The following MAPRE2 variants were observed in gnomAD, a reference collection of about 807,000 sequenced individuals.
The protein encoded by MAPRE2 is microtubule associated protein RP/EB family member 2.
Under a neutral mutation model 43.2 loss-of-function variants are expected in MAPRE2, and 13 were observed. The observed-to-expected ratio is 0.30, with a 90% CI of 0.20 to 0.48. The LOEUF (loss-of-function observed/expected upper bound fraction) is 0.48. Among genes scored for constraint, MAPRE2 ranks in the 20% least tolerant of loss-of-function variants. The pLI is 0.99. For missense variants in MAPRE2, 161 were observed against 400.2 expected (o/e 0.40, Z 5.10); for synonymous variants, 135 against 148.8 (o/e 0.91, Z 0.68).
intron 1 of MAPRE2, among the ~76,000 whole-genome samples, chr18:35,043,600 A>G (rs140678754): frequency 6.6e-6 from 1 of 152,366 alleles, no homozygotes; most frequent in East Asian, 1.9e-4. Flanking sequence ...ATGGCATTCA[A>G]AATTATGTAA....
At chr18:34,989,889 A>G (rs768282219) in intron 1 of MAPRE2, among the ~76,000 whole-genome samples, 1 of 152,112 alleles carries the variant, frequency 6.6e-6, no homozygotes, top group Non-Finnish European at 1.5e-5. Flanking sequence ...AGAAACATTG[A>G]TATGGAAAGC....
chr18:35,106,955 G>T (rs1451849063), intron 4 of MAPRE2, among the ~76,000 whole-genome samples: 3 of 152,184 alleles, frequency 2.0e-5, no homozygotes, highest in African/African-American at 7.2e-5. Context: ...ACTCAAGATA[G>T]CTGTTGGTGG....
At position 35,071,479 on chromosome 18, in the gene MAPRE2, G is replaced by A. The variant is rs940182422; in HGVS notation, c.250+1157G>A. Among the ~76,000 whole-genome samples the A allele has an allele frequency of 2.0e-5, 3 of 152,156 alleles. No individual in the cohort carries two copies. The South Asian group carries it at 6.2e-4, about 32-fold the overall frequency. ...ATAAGCAGTCCTCCTTTGGAAACAG[G>A]GAATGTTTCCTTCCAGTAAACAAAT... On this transcript the variant is annotated intron_variant, in intron 2 of 6. Coordinates refer to ENST00000300249, the MANE Select transcript of MAPRE2 (RefSeq NM_014268.4).
intron 1 of MAPRE2, among the ~76,000 whole-genome samples, chr18:34,998,752 T>C (rs190576151): frequency 0.018 from 2,677 of 146,608 alleles, 72 homozygotes; most frequent in Non-Finnish European, 0.022. Context: ...CGTGAGCCAC[T>C]GAGCCTGGCC....
chr18:35,097,036 C>CT (rs1439500477), intron 2 of MAPRE2, among the ~76,000 whole-genome samples: 1 of 152,062 alleles, frequency 6.6e-6, no homozygotes, highest in Non-Finnish European at 1.5e-5. Flanking sequence ...TCTTTTTCCT[C>CT]TTAAGTTTAT....
upstream of MAPRE2, chr18:35,041,229 C>T (rs117403546): frequency 0.028 from 28,173 of 990,520 alleles, 599 homozygotes; most frequent in Non-Finnish European, 0.031. Flanking sequence ...AGGCCTGCCC[C>T]GGTGCCTGCC....
intron 1 of MAPRE2, among the ~76,000 whole-genome samples, chr18:35,055,567 G>GTGTGTGTA (rs1181482459): frequency 2.1e-4 from 32 of 150,550 alleles, no homozygotes; most frequent in South Asian, 1.7e-3. Context: ...GTGTGTGTAT[G>GTGTGTGTA]TGTGTGTGTG....
chr18:35,118,842 G>A (rs995474867), intron 4 of MAPRE2, among the ~76,000 whole-genome samples: 25 of 152,282 alleles, frequency 1.6e-4, no homozygotes, highest in African/African-American at 6.0e-4. Context: ...GGAGAAGGCA[G>A]GGCCTTTGCA....
chr18:34,991,052 A>G lies in MAPRE2; in HGVS notation c.-70+13973A>G, dbSNP rs1355125381. On this transcript the variant is annotated intron_variant, in intron 1 of 7. Coordinates refer to the MAPRE2 transcript ENST00000413393. ...TTCTATTTTAGATTCAGGGGGGCAC[A>G]TGCAGATTTGTTACAATGGTATATT... 2.0e-5 allele frequency among the ~76,000 whole-genome samples: 3 copies of G among 152,278 alleles called. No individual in the cohort carries two copies. The East Asian group carries it at 5.8e-4, about 29-fold the overall frequency.
intron 4 of MAPRE2, among the ~76,000 whole-genome samples, chr18:35,124,826 CTGCT>C (rs763593394): frequency 2.0e-5 from 3 of 152,192 alleles, no homozygotes; most frequent in Non-Finnish European, 2.9e-5. Flanking sequence ...CCTCCCCTGC[CTGCT>C]TGTCTACTTG....
chr18:35,104,013 A>G (rs1040559080), intron 4 of MAPRE2, among the ~76,000 whole-genome samples: 1 of 152,186 alleles, frequency 6.6e-6, no homozygotes, highest in African/African-American at 2.4e-5. Flanking sequence ...TTGGAAATAC[A>G]TACATTTAAG....
chr18:35,136,624 A>G (rs1910402860), intron 6 of MAPRE2, among the ~76,000 whole-genome samples: 1 of 152,224 alleles, frequency 6.6e-6, no homozygotes, highest in Non-Finnish European at 1.5e-5. Context: ...GAGAAACTGC[A>G]TGAGCAAAGC....
chr18:35,141,091 C>T lies in MAPRE2; in HGVS notation c.*722C>T, dbSNP rs2144269379. 1 of 152,392 alleles carries T rather than the reference C, an allele frequency of 6.6e-6. No homozygotes were observed. Among genetic ancestry groups the T allele is most frequent in the East Asian group, 1.9e-4 (1 of 5,180 alleles). The allele number at this position is 152,392 out of a possible 1,614,324, so 9.4% of individuals were successfully genotyped here. A position where few individuals can be genotyped will look rare whatever the true frequency, so the allele number is the denominator to read the frequency against. ...ACACCATCTCAACTTTGCCCGCTCACCATGTCCCTTGCCCCCATGTAGCCC... is the reference window on the plus strand; with the variant it reads ...ACACCATCTCAACTTTGCCCGCTCATCATGTCCCTTGCCCCCATGTAGCCC... On this transcript the variant is annotated 3_prime_UTR_variant, in exon 7 of 7. Coordinates refer to ENST00000300249, the MANE Select transcript of MAPRE2 (RefSeq NM_014268.4).
intron 2 of MAPRE2, among the ~76,000 whole-genome samples, chr18:35,021,606 A>G (rs574421682): frequency 1.3e-5 from 2 of 152,192 alleles, no homozygotes; most frequent in South Asian, 4.1e-4. Flanking sequence ...TGCTATGAAT[A>G]AGAGGTAATC....
intron 1 of MAPRE2, among the ~76,000 whole-genome samples, chr18:35,066,609 C>CAGGTATAAGTTTAACT (rs1906850238): frequency 6.6e-6 from 1 of 152,192 alleles, no homozygotes; most frequent in Admixed American, 6.5e-5. Flanking sequence ...ATATGGAAAG[C>CAGGTATAAGTTTAACT]ATACCTGTAG....
chr18:35,081,576 G>A (rs1030311658), intron 2 of MAPRE2, among the ~76,000 whole-genome samples: 2 of 152,142 alleles, frequency 1.3e-5, no homozygotes, highest in Non-Finnish European at 2.9e-5. Flanking sequence ...GGTAATAGGG[G>A]ATGTTATTGG....
upstream of MAPRE2, among the ~76,000 whole-genome samples, chr18:35,038,263 C>A (rs1047847070): frequency 1.3e-5 from 2 of 152,214 alleles, no homozygotes; most frequent in African/African-American, 4.8e-5. Context: ...CTGATTATCC[C>A]CTTACAGGAC....
chr18:35,020,956 GAT>G (rs1223862064), intron 2 of MAPRE2, among the ~76,000 whole-genome samples: 9 of 152,118 alleles, frequency 5.9e-5, no homozygotes, highest in Non-Finnish European at 1.3e-4. Context: ...ATTTTTAACT[GAT>G]ACAGAATTAG....
intron 1 of MAPRE2, among the ~76,000 whole-genome samples, chr18:35,002,531 A>G (rs1420066683): frequency 6.6e-6 from 1 of 152,192 alleles, no homozygotes; most frequent in African/African-American, 2.4e-5. Flanking sequence ...CTCAGAAGCA[A>G]TATATGAGTG....
Sources: gnomAD v4.1 joint callset for allele counts (sites outside exome capture counted in the v4.1 genomes callset) on GRCh38, gnomAD v4.1.1 for gene constraint, MANE v1.5 for transcripts, NCBI Gene and HGNC (gene_info 2026-07-23, HGNC 2026-07-21) for gene names.